FAM114A2: variants seen among roughly 807,000 people sequenced by gnomAD.
FAM114A2 encodes the protein protein FAM114A2.
Under a neutral mutation model 58.4 loss-of-function variants are expected in FAM114A2, and 53 were observed. That is an observed-to-expected ratio of 0.91 (90% CI 0.73 to 1.14). FAM114A2 has a LOEUF of 1.14. Among genes scored for constraint, FAM114A2 ranks in the 50% most tolerant of loss-of-function variants. The pLI is 0.00. For missense variants in FAM114A2, 601 were observed against 581.1 expected, an observed-to-expected ratio of 1.03 and a Z score of -0.35; for synonymous variants, 228 against 211.4, an observed-to-expected ratio of 1.08 and a Z score of -0.68.
chr5:154,010,114 A>G (rs1010110212), intron 9 of FAM114A2, among the ~76,000 whole-genome samples: 5 of 152,196 alleles, frequency 3.3e-5, no homozygotes, highest in Non-Finnish European at 7.4e-5. Context: ...TTTACAATTT[A>G]CTCTCAAATA....
At chr5:154,035,212 C>T (rs112177336) in intron 1 of FAM114A2, among the ~76,000 whole-genome samples, 5,585 of 152,202 alleles carry the variant, frequency 0.037, 262 homozygotes, top group African/African-American at 0.1. Flanking sequence ...TTTAAACGCA[C>T]TCATTTGTAT....
At chr5:153,999,614 C>G (rs1769834887) in intron 11 of FAM114A2, among the ~76,000 whole-genome samples, 1 of 146,164 alleles carries the variant, frequency 6.8e-6, no homozygotes, top group Admixed American at 6.9e-5. Flanking sequence ...GCCTGAGTGA[C>G]ACAGCAAGAC....
At chr5:153,993,182 AG>A (rs1769345029) in intron 13 of FAM114A2, 72 bp from the exon 14 acceptor site, 1 of 1,308,034 alleles carries the variant, frequency 7.6e-7, no homozygotes, top group Non-Finnish European at 1.0e-6. Flanking sequence ...GTAAGGCAAC[AG>A]GGGAACAGAT....
At chr5:154,027,503 C>T (rs1050640620) in intron 6 of FAM114A2, 169 bp from the exon 7 acceptor site, 11 of 489,872 alleles carry the variant, frequency 2.2e-5, no homozygotes, top group Non-Finnish European at 3.8e-5. Flanking sequence ...GAAAGAAAAA[C>T]GATCACACAT....
chr5:154,029,572 T>C lies in FAM114A2; in HGVS notation c.412A>G (p.Asn138Asp), dbSNP rs904783268. Residue 138 changes from asparagine (N) to aspartate (D), a missense_variant, in exon 5 of 14, where the codon AAT becomes GAT. Physicochemically the swap from Asn to Asp is conservative, Grantham distance 23. Coordinates refer to ENST00000351797, the MANE Select transcript of FAM114A2 (RefSeq NM_018691.4). ...GAGGAGTTTTCATTCTCTTTGGCAT[T>C]TGTCTCTCCTACAAGAGGGAGGGGA... Reference protein sequence around the residue: ...TEVKYVAGETNAKENENSSPV... With the variant: ...TEVKYVAGETDAKENENSSPV... 6.3e-7 allele frequency: 1 copy of C among 1,596,526 alleles called. No homozygotes were observed. Among genetic ancestry groups the C allele is most frequent in the Non-Finnish European group, 8.6e-7 (1 of 1,164,746 alleles).
At chr5:154,008,470 T>C (rs1029877652) in intron 9 of FAM114A2, among the ~76,000 whole-genome samples, 7 of 152,186 alleles carry the variant, frequency 4.6e-5, no homozygotes, top group African/African-American at 1.7e-4. Context: ...AGTGCCAACA[T>C]GATGCCACAA....
intron 9 of FAM114A2, among the ~76,000 whole-genome samples, chr5:154,007,163 A>G (rs1326397556): frequency 6.6e-6 from 1 of 152,154 alleles, no homozygotes; most frequent in Non-Finnish European, 1.5e-5. Flanking sequence ...ATTAAGTGAA[A>G]TCATCATGAA....
rs1007707897 is a variant in FAM114A2, at chr5:153,990,830, A to G, written c.*2146T>C. 4.6e-5 allele frequency: 7 copies of G among 152,308 alleles called. No individual in the cohort carries two copies. Among genetic ancestry groups the G allele is most frequent in the Admixed American group, 3.9e-4 (6 of 15,296 alleles). The allele number at this position is 152,308 out of a possible 1,614,324, so 9.4% of individuals were successfully genotyped here. A position where few individuals can be genotyped will look rare whatever the true frequency, so the allele number is the denominator to read the frequency against. On this transcript the variant is annotated 3_prime_UTR_variant, in exon 14 of 14. Transcript: ENST00000351797. ...AAAGTGTAGCTGTTAACAAAAAACT[A>G]AAACACTGTAACTACCCCAAATAAA...
chr5:154,036,086 G>T (rs1204857850), intron 1 of FAM114A2, among the ~76,000 whole-genome samples: 2 of 151,704 alleles, frequency 1.3e-5, no homozygotes, highest in African/African-American at 4.8e-5. Flanking sequence ...TATAATATGT[G>T]GTTTGCAAAT....
At chr5:154,026,795 T>G (rs1243065777) in intron 7 of FAM114A2, among the ~76,000 whole-genome samples, 2 of 151,572 alleles carry the variant, frequency 1.3e-5, no homozygotes, top group African/African-American at 4.9e-5. Flanking sequence ...TTAGATAATC[T>G]TAAATCAATT....
chr5:154,034,872 T>C lies in FAM114A2; in HGVS notation c.82A>G (p.Lys28Glu), dbSNP rs143040877. Residue 28 changes from lysine (K) to glutamate (E), a missense_variant, in exon 2 of 14, where the codon AAG becomes GAG. Transcript: ENST00000351797. ...CCTTGGTCAACAGACTCAGAATTCTTGGCTGGCTCACAGTTTCCATCTTCA... is the reference window on the plus strand; with the variant it reads ...CCTTGGTCAACAGACTCAGAATTCTCGGCTGGCTCACAGTTTCCATCTTCA... ...ILEDGNCEPA[K>E]NSESVDQGAK... 8 of 1,614,044 alleles carry C rather than the reference T, an allele frequency of 5.0e-6. No individual in the cohort carries two copies. The highest frequency in any genetic ancestry group is 6.8e-6 in the Non-Finnish European group (8 of 1,179,910).
At chr5:154,022,847 T>C (rs964237334) in intron 8 of FAM114A2, among the ~76,000 whole-genome samples, 2 of 152,206 alleles carry the variant, frequency 1.3e-5, no homozygotes, top group Non-Finnish European at 2.9e-5. Context: ...ATATGTTTAT[T>C]GTAGCACTAT....
At chr5:153,997,687 T>C (rs1769668682) in intron 12 of FAM114A2, 116 bp downstream of exon 12, 3 of 681,126 alleles carry the variant, frequency 4.4e-6, no homozygotes, top group South Asian at 3.8e-5. Context: ...ACTCTGTAAA[T>C]ATACTAAAAA....
At chr5:154,019,270 AAC>A (rs1447667355) in intron 8 of FAM114A2, among the ~76,000 whole-genome samples, 2 of 152,196 alleles carry the variant, frequency 1.3e-5, no homozygotes, top group Non-Finnish European at 2.9e-5. Flanking sequence ...TCAAATCAAG[AAC>A]TCAACCTCTT....
chr5:153,999,731 G>A (rs760755080), intron 11 of FAM114A2, among the ~76,000 whole-genome samples: 3 of 151,622 alleles, frequency 2.0e-5, no homozygotes, highest in Non-Finnish European at 4.4e-5. Context: ...ATGAAAACCA[G>A]TATGAAGATT....
chr5:153,998,535 T>G (rs911602321), intron 11 of FAM114A2, among the ~76,000 whole-genome samples: 2 of 152,230 alleles, frequency 1.3e-5, no homozygotes, highest in African/African-American at 2.4e-5. Flanking sequence ...CAGTCTTTCA[T>G]GCAGGTCTCT....
intron 1 of FAM114A2, among the ~76,000 whole-genome samples, chr5:154,037,465 T>C (rs1219755118): frequency 1.3e-5 from 2 of 152,196 alleles, no homozygotes; most frequent in Non-Finnish European, 2.9e-5. Flanking sequence ...CCTGTGGAGA[T>C]AGAGAACTAA....
chr5:154,002,152 G>A lies in FAM114A2; in HGVS notation c.1256+99C>T, dbSNP rs376792556. ...CATCTAATATGTGGATGGGTGTGAC[G>A]TGAATGGTTTCTTGAGAGAGACGTT... On this transcript the variant is annotated intron_variant, in intron 11 of 13. Coordinates refer to ENST00000351797, the MANE Select transcript of FAM114A2 (RefSeq NM_018691.4). The A allele has an allele frequency of 1.4e-4, 155 of 1,126,362 alleles. 2 individuals carry two copies. Among genetic ancestry groups the A allele is most frequent in the South Asian group, 2.9e-4 (22 of 76,696 alleles). 69.8% of individuals were successfully genotyped at this position (1,126,362 alleles called of 1,614,324 possible).
intron 8 of FAM114A2, among the ~76,000 whole-genome samples, chr5:154,012,152 G>T (rs1042572930): frequency 6.6e-6 from 1 of 152,066 alleles, no homozygotes; most frequent in African/African-American, 2.4e-5. Context: ...AAGAAAAAAG[G>T]ATCAATCATT....
Sources: gnomAD v4.1 joint callset for allele counts (sites outside exome capture counted in the v4.1 genomes callset) on GRCh38, gnomAD v4.1.1 for gene constraint, MANE v1.5 for transcripts, NCBI Gene and HGNC (gene_info 2026-07-23, HGNC 2026-07-21) for gene names.